Variants in CSMD3 observed in about 807,000 individuals in gnomAD.
CSMD3 encodes the protein CUB and Sushi multiple domains 3, also known as CUB and sushi domain-containing protein 3.
In CSMD3, 177 loss-of-function variants were observed where a neutral mutation model predicts 435.2. That is an observed-to-expected ratio of 0.41 (90% CI 0.36 to 0.46). The LOEUF (loss-of-function observed/expected upper bound fraction) is 0.46, where lower values mean the gene tolerates loss of function less well. Ranked by LOEUF, CSMD3 falls within the 20% of genes least tolerant of loss-of-function variation. The pLI is 0.34. For synonymous variants in CSMD3, 1,656 were observed against 1,520.5 expected (o/e 1.09, Z -2.07); for missense variants, 4,265 against 4,504.6 (o/e 0.95, Z 1.52).
chr8:113,098,882 T>C lies in CSMD3; in HGVS notation c.791A>G (p.Asn264Ser), dbSNP rs752702898. 23 of 1,612,172 alleles carry C rather than the reference T, an allele frequency of 1.4e-5. No individual in the cohort carries two copies. Among genetic ancestry groups the C allele is most frequent in the Non-Finnish European group, 2.0e-5 (23 of 1,178,500 alleles). The change falls in exon 5 of 71, where the codon AAT (asparagine) becomes AGT (serine). Residue 264 changes from asparagine (N) to serine (S), a missense_variant. Asn to Ser is a conservative substitution (Grantham distance 46). Coordinates refer to ENST00000297405, the MANE Select transcript of CSMD3 (RefSeq NM_198123.2). ...TACAATGGTCCAAGTGCAATCAGCA[T>C]TGTTATGGTACTCATTAGGAAAACT... The part of the protein sequence containing the change: ...SPSFPNEYHN[N>S]ADCTWTIVAE...
At chr8:112,688,844 C>G (rs2076069685) in intron 14 of CSMD3, among the ~76,000 whole-genome samples, 1 of 151,894 alleles carries the variant, frequency 6.6e-6, no homozygotes. Context: ...TGGTTTTAGT[C>G]AGCAAAATTT....
chr8:113,368,854 A>G (rs1467361934), intron 1 of CSMD3, among the ~76,000 whole-genome samples: 2 of 152,070 alleles, frequency 1.3e-5, no homozygotes, highest in East Asian at 3.8e-4. Context: ...GGTATTTTCC[A>G]ATGAAGGTAA....
rs139913436 is a variant in CSMD3 at position 112,755,909 on chromosome 8, GTTTTATTTTA to G, written c.1972+44243_1972+44252del. ...ATAAATGCTGTATTTATTTTATTTA[GTTTTATTTTA>G]TTTTATTTTATTTTATTTTATATTT... On this transcript the variant is annotated intron_variant, in intron 13 of 70. Coordinates refer to ENST00000297405, the MANE Select transcript of CSMD3 (RefSeq NM_198123.2). Among the ~76,000 whole-genome samples, 52 of 149,116 alleles carry G rather than the reference GTTTTATTTTA, an allele frequency of 3.5e-4. 1 individual carries two copies. Among genetic ancestry groups the G allele is most frequent in the African/African-American group, 9.4e-4 (38 of 40,398 alleles).
chr8:113,348,624 G>A (rs2094168200), intron 1 of CSMD3, among the ~76,000 whole-genome samples: 1 of 152,034 alleles, frequency 6.6e-6, no homozygotes, highest in South Asian at 2.1e-4. Flanking sequence ...ACAGGTGGGG[G>A]CTACATCGAG....
chr8:112,543,840 T>C (rs1563682878), intron 27 of CSMD3, among the ~76,000 whole-genome samples: 1 of 152,156 alleles, frequency 6.6e-6, no homozygotes, highest in Non-Finnish European at 1.5e-5. Flanking sequence ...AATTGTCTAA[T>C]GACAGATTAA....
intron 4 of CSMD3, among the ~76,000 whole-genome samples, chr8:113,172,147 A>T (rs1164603180): frequency 6.6e-6 from 1 of 152,140 alleles, no homozygotes; most frequent in Non-Finnish European, 1.5e-5. Flanking sequence ...CTGACTCAAC[A>T]GTCTTGTGTT....
chr8:113,050,018 G>T (rs9297487), intron 5 of CSMD3, among the ~76,000 whole-genome samples: 1 of 151,784 alleles, frequency 6.6e-6, no homozygotes, highest in Non-Finnish European at 1.5e-5. Context: ...TAAGCAAGTA[G>T]GTACAATCAG....
intron 1 of CSMD3, among the ~76,000 whole-genome samples, chr8:113,335,543 T>TTTA (rs1422427302): frequency 2.1e-5 from 3 of 140,722 alleles, no homozygotes; most frequent in African/African-American, 7.9e-5. Flanking sequence ...CCTTCTTTTT[T>TTTA]TTTTTTTTTT....
At chr8:112,408,878 T>C in intron 33 of CSMD3, 41 bp downstream of exon 33, 1 of 1,613,066 alleles carries the variant, frequency 6.2e-7, no homozygotes, top group South Asian at 1.1e-5. Flanking sequence ...AAGTCAGTCT[T>C]TAATCAGTAA....
At chr8:113,211,430 T>C (rs887958978) in intron 3 of CSMD3, among the ~76,000 whole-genome samples, 17 of 152,240 alleles carry the variant, frequency 1.1e-4, no homozygotes, top group Admixed American at 2.0e-4. Flanking sequence ...TAGTGAGATG[T>C]AAATGAACAA....
chr8:112,666,258 G>T lies in CSMD3; in HGVS notation c.2816+19C>A. 1 of 1,583,762 alleles carries T rather than the reference G, an allele frequency of 6.3e-7. No homozygotes were observed. Among genetic ancestry groups the T allele is most frequent in the Non-Finnish European group, 8.7e-7 (1 of 1,154,508 alleles). On this transcript the variant is annotated intron_variant, in intron 17 of 70. Transcript: ENST00000297405. Reference sequence around the variant, plus strand: ...TTAGATAATATTTTCTTTAAAAGTAGGAAAAATATTTGTGAGACCTTTCAA... The same window carrying T: ...TTAGATAATATTTTCTTTAAAAGTATGAAAAATATTTGTGAGACCTTTCAA...
intron 17 of CSMD3, among the ~76,000 whole-genome samples, chr8:112,664,107 T>G (rs2131696728): frequency 6.6e-6 from 1 of 152,240 alleles, no homozygotes; most frequent in Non-Finnish European, 1.5e-5. Context: ...TCAACTACCG[T>G]TGCACCTCCT....
At chr8:112,661,239 T>G (rs1187744956) in intron 17 of CSMD3, among the ~76,000 whole-genome samples, 1 of 152,146 alleles carries the variant, frequency 6.6e-6, no homozygotes, top group African/African-American at 2.4e-5. Flanking sequence ...TACATTTTAT[T>G]AAAATGGCTG....
intron 6 of CSMD3, among the ~76,000 whole-genome samples, chr8:112,984,900 A>C (rs1266200548): frequency 6.6e-6 from 1 of 152,002 alleles, no homozygotes; most frequent in African/African-American, 2.4e-5. Context: ...CCTAACTGTA[A>C]AAGGTATTAC....
intron 1 of CSMD3, among the ~76,000 whole-genome samples, chr8:113,374,834 A>T (rs1588623091): frequency 8.1e-6 from 1 of 122,856 alleles, no homozygotes; most frequent in African/African-American, 2.9e-5. Flanking sequence ...AAAAAAAAAA[A>T]AAAAAAAAAA....
chr8:112,329,088 G>A (rs559597917), intron 45 of CSMD3, among the ~76,000 whole-genome samples: 24 of 152,182 alleles, frequency 1.6e-4, no homozygotes, highest in Non-Finnish European at 2.8e-4. Flanking sequence ...TGTCTTCTCC[G>A]CATGCAGACA....
chr8:112,892,349 C>T (rs2081819678), intron 10 of CSMD3, among the ~76,000 whole-genome samples: 1 of 151,034 alleles, frequency 6.6e-6, no homozygotes, highest in Non-Finnish European at 1.5e-5. Context: ...GTTTTAATTC[C>T]AACTTTGCTA....
chr8:112,712,795 T>TA (rs200364867), intron 13 of CSMD3, among the ~76,000 whole-genome samples: 1,696 of 137,768 alleles, frequency 0.012, 33 homozygotes, highest in African/African-American at 0.041. Flanking sequence ...GAATCAAAAA[T>TA]AAAAAAAAAA....
At chr8:112,849,082 A>T (rs1231067037) in intron 11 of CSMD3, among the ~76,000 whole-genome samples, 1 of 152,096 alleles carries the variant, frequency 6.6e-6, no homozygotes, top group East Asian at 1.9e-4. Flanking sequence ...TATTCTTTTG[A>T]TGACATATTT....
Sources: gnomAD v4.1 joint callset for allele counts (sites outside exome capture counted in the v4.1 genomes callset) on GRCh38, gnomAD v4.1.1 for gene constraint, MANE v1.5 for transcripts, NCBI Gene and HGNC (gene_info 2026-07-23, HGNC 2026-07-21) for gene names.